The following MARK3 variants were observed in gnomAD, a reference collection of about 807,000 sequenced individuals.
The protein encoded by MARK3 is MAP/microtubule affinity-regulating kinase 3.
In MARK3, 46 loss-of-function variants were observed where a neutral mutation model predicts 90.1. The ratio of observed to expected loss-of-function variants is 0.51; its 90% CI spans 0.40 to 0.65. The LOEUF (loss-of-function observed/expected upper bound fraction) is 0.65, where lower values mean the gene tolerates loss of function less well. MARK3 is among the 30% of genes least tolerant of loss of function. MARK3 has a pLI of 0.00. For missense variants in MARK3, 818 were observed against 947.2 expected, an observed-to-expected ratio of 0.86 and a Z score of 1.79; for synonymous variants, 321 against 332.6, an observed-to-expected ratio of 0.97 and a Z score of 0.38.
In MARK3 at chr14:103,460,073, C is replaced by CTTTTTTTTTTTTTTTTTTTT. The variant is rs571611660; in HGVS notation, c.484-2320_484-2301dup. ...AAAAAGAATAGATTTCCAGCTCCAT[C>CTTTTTTTTTTTTTTTTTTTT]TTTTTTTTTTTTTTTTTTTTTTTTT... On this transcript the variant is annotated intron_variant, in intron 6 of 17. Transcript: ENST00000429436. Among the ~76,000 whole-genome samples, 57 of 41,722 alleles carry CTTTTTTTTTTTTTTTTTTTT rather than the reference C, an allele frequency of 1.4e-3. 10 individuals carry two copies. Among genetic ancestry groups the CTTTTTTTTTTTTTTTTTTTT allele is most frequent in the South Asian group, 4.0e-3 (2 of 504 alleles). The allele number at this position is 41,722 out of a possible 152,430, so 27.4% of individuals were successfully genotyped here. A position where few individuals can be genotyped will look rare whatever the true frequency, so the allele number is the denominator to read the frequency against.
intron 3 of MARK3, among the ~76,000 whole-genome samples, chr14:103,437,550 G>A (rs1248193697): frequency 4.6e-5 from 7 of 152,182 alleles, no homozygotes; most frequent in African/African-American, 9.7e-5. Flanking sequence ...TGCCTTCCAA[G>A]GAGCTGGGAT....
At chr14:103,397,311 A>G (rs1215504067) in intron 1 of MARK3, among the ~76,000 whole-genome samples, 2 of 150,446 alleles carry the variant, frequency 1.3e-5, no homozygotes, top group Non-Finnish European at 3.0e-5. Context: ...ACTAGCCGAA[A>G]GTTACTGAAT....
intron 17 of MARK3, among the ~76,000 whole-genome samples, chr14:103,502,014 C>CA: frequency 6.6e-6 from 1 of 152,296 alleles, no homozygotes; most frequent in South Asian, 2.1e-4. Flanking sequence ...GCTAGGCACT[C>CA]ACTGTCTTAA....
chr14:103,421,065 A>C (rs1281048286), intron 2 of MARK3, among the ~76,000 whole-genome samples: 7 of 152,302 alleles, frequency 4.6e-5, no homozygotes, highest in Middle Eastern at 3.4e-3. Flanking sequence ...CCATGGATAA[A>C]ACTCTGGACA....
At chr14:103,476,578 T>C (rs1490114630) in intron 13 of MARK3, among the ~76,000 whole-genome samples, 1 of 152,248 alleles carries the variant, frequency 6.6e-6, no homozygotes, top group Non-Finnish European at 1.5e-5. Flanking sequence ...AAGTATGTTC[T>C]ATCTAACCTA....
chr14:103,450,948 T>G (rs2093131099), intron 4 of MARK3, among the ~76,000 whole-genome samples: 1 of 80,296 alleles, frequency 1.2e-5, no homozygotes, highest in Non-Finnish European at 2.2e-5. Context: ...TTTTTTTTTT[T>G]GAGACAGGGT....
At chr14:103,430,919 C>G (rs553599761) in intron 3 of MARK3, among the ~76,000 whole-genome samples, 11 of 151,624 alleles carry the variant, frequency 7.3e-5, no homozygotes, top group African/African-American at 2.7e-4. Context: ...AGGCTGGACT[C>G]GAACTCCTGG....
chr14:103,462,304 G>A (rs1595792672), intron 6 of MARK3, 101 bp from the exon 7 acceptor site: 5 of 769,008 alleles, frequency 6.5e-6, no homozygotes, highest in South Asian at 1.9e-5. Flanking sequence ...ACATTCGAGC[G>A]TATACTGAGT....
intron 2 of MARK3, among the ~76,000 whole-genome samples, chr14:103,413,818 A>G (rs564357081): frequency 1.3e-5 from 2 of 152,178 alleles, no homozygotes; most frequent in South Asian, 4.2e-4. Flanking sequence ...ACCTTTTGAA[A>G]CTGGCTTCTT....
intron 2 of MARK3, among the ~76,000 whole-genome samples, chr14:103,420,508 G>A (rs2092164913): frequency 6.6e-6 from 1 of 152,162 alleles, no homozygotes; most frequent in Non-Finnish European, 1.5e-5. Context: ...TGGGATTAAA[G>A]GGATGAGCCA....
At chr14:103,484,081 G>A (rs567528631) in intron 14 of MARK3, among the ~76,000 whole-genome samples, 3 of 152,130 alleles carry the variant, frequency 2.0e-5, no homozygotes, top group East Asian at 3.9e-4. Context: ...TAGATACCCG[G>A]ACGACACTGT....
chr14:103,472,803 C>T lies in MARK3; in HGVS notation c.1265-2190C>T, dbSNP rs535905678. ...CAGGCAGATCACGAGGTCAAGAGAT[C>T]GAGACCATCTGGCCAACATGGTGAA... On this transcript the variant is annotated intron_variant, in intron 12 of 17. Coordinates refer to ENST00000429436, the MANE Select transcript of MARK3 (RefSeq NM_001128918.3). Among the ~76,000 whole-genome samples the T allele has an allele frequency of 4.1e-4, 63 of 151,968 alleles. 1 individual carries two copies. The highest frequency in any genetic ancestry group is 7.2e-4 in the Non-Finnish European group (49 of 68,002).
At chr14:103,411,495 CAT>C (rs2091627660) in intron 2 of MARK3, among the ~76,000 whole-genome samples, 1 of 152,178 alleles carries the variant, frequency 6.6e-6, no homozygotes, top group Admixed American at 6.5e-5. Context: ...AATAAATTCT[CAT>C]ATGTGTCCTG....
chr14:103,474,023 C>G (rs1355576284), intron 12 of MARK3, among the ~76,000 whole-genome samples: 3 of 147,320 alleles, frequency 2.0e-5, no homozygotes, highest in African/African-American at 7.6e-5. Flanking sequence ...TGTGAAACCC[C>G]GTCTCTACTA....
chr14:103,451,893 T>C, intron 4 of MARK3, 25 bp from the exon 5 acceptor site: 1 of 1,568,462 alleles, frequency 6.4e-7, no homozygotes, highest in Non-Finnish European at 8.7e-7. Context: ...TCTCTTTTTC[T>C]TCCGTGTCCT....
chr14:103,409,255 C>G (rs958460153), intron 2 of MARK3, among the ~76,000 whole-genome samples: 7 of 151,492 alleles, frequency 4.6e-5, no homozygotes, highest in African/African-American at 1.7e-4. Context: ...AATGAGAACA[C>G]ATGGACACAG....
chr14:103,445,886 A>G (rs1014255676), intron 3 of MARK3, among the ~76,000 whole-genome samples: 27 of 152,330 alleles, frequency 1.8e-4, no homozygotes, highest in Middle Eastern at 3.4e-3. Context: ...TGTGCTGCGG[A>G]GGATTTAAAA....
intron 12 of MARK3, among the ~76,000 whole-genome samples, chr14:103,472,819 ACATGGTGAAACCCCGTCT>A (rs922725276): frequency 6.6e-5 from 10 of 152,076 alleles, no homozygotes; most frequent in Non-Finnish European, 1.5e-4. Context: ...CATCTGGCCA[ACATGGTGAAACCCCGTCT>A]CTACTAAAAT....
intron 1 of MARK3, among the ~76,000 whole-genome samples, chr14:103,392,319 T>C (rs999201580): frequency 6.6e-6 from 1 of 152,200 alleles, no homozygotes; most frequent in African/African-American, 2.4e-5. Context: ...CAAAGCAGCC[T>C]GAGCTTTATG....
Sources: gnomAD v4.1 joint callset for allele counts (sites outside exome capture counted in the v4.1 genomes callset) on GRCh38, gnomAD v4.1.1 for gene constraint, MANE v1.5 for transcripts, NCBI Gene and HGNC (gene_info 2026-07-23, HGNC 2026-07-21) for gene names.